SVOPL: variants seen among roughly 807,000 people sequenced by gnomAD.
The protein encoded by SVOPL is putative transporter SVOPL.
A neutral mutation model predicts 61.0 loss-of-function variants in SVOPL; 60 were observed. The observed-to-expected ratio is 0.98, with a 90% CI of 0.80 to 1.22. SVOPL has a LOEUF of 1.22. SVOPL is among the 50% of genes most tolerant of loss of function. SVOPL has a pLI of 0.00. For missense variants in SVOPL, 662 were observed against 643.9 expected (o/e 1.03, Z -0.30); for synonymous variants, 279 against 250.0 (o/e 1.12, Z -1.09).
Position 138,644,741 on chromosome 7 carries a change from C to T in SVOPL, c.765G>A (p.Glu255=). 1 of 1,614,162 alleles carries T rather than the reference C, an allele frequency of 6.2e-7. No homozygotes were observed. The highest frequency in any genetic ancestry group is 8.5e-7 in the Non-Finnish European group (1 of 1,180,030). Reference sequence around the variant, plus strand: ...CCAGGACGGGCTCCACCAGCTTCCCCTCCGGCATGACCGAGCGGTTCATCT... The same window carrying T: ...CCAGGACGGGCTCCACCAGCTTCCCTTCCGGCATGACCGAGCGGTTCATCT... ...VAKMNRSVMP[E]GKLVEPVLEK... is the part of the protein sequence containing the mutation. The change falls in exon 9 of 16, where the codon GAG becomes GAA. Residue 255 remains glutamate (E), a synonymous_variant. Transcript: ENST00000674285.
chr7:138,666,065 T>C (rs918195410), intron 4 of SVOPL, among the ~76,000 whole-genome samples: 19 of 152,216 alleles, frequency 1.2e-4, no homozygotes, highest in Admixed American at 7.2e-4. Context: ...ATACCCAGCC[T>C]GTTCTACCTC....
intron 9 of SVOPL, among the ~76,000 whole-genome samples, chr7:138,642,840 AAAAAAAAAAAGAAG>A (rs1246885069): frequency 2.1e-5 from 1 of 46,796 alleles, no homozygotes; most frequent in Non-Finnish European, 5.2e-5. Flanking sequence ...CCAAAAAAAA[AAAAAAAAAAAGAAG>A]AAACAAAATT....
intron 13 of SVOPL, among the ~76,000 whole-genome samples, chr7:138,623,326 C>CA (rs1353413027): frequency 1.3e-5 from 2 of 152,144 alleles, no homozygotes; most frequent in Non-Finnish European, 2.9e-5. Context: ...ACTGGCTGGG[C>CA]ACGGTGGCTC....
chr7:138,662,672 TCAGAC>T, intron 5 of SVOPL: 2 of 1,015,532 alleles, frequency 2.0e-6, no homozygotes, highest in Non-Finnish European at 2.4e-6. Flanking sequence ...CCCACTGATA[TCAGAC>T]CTCTGTTCTC....
chr7:138,699,674 GGAA>G (rs1178253304), intron 1 of SVOPL, among the ~76,000 whole-genome samples: 1 of 152,158 alleles, frequency 6.6e-6, no homozygotes, highest in African/African-American at 2.4e-5. Flanking sequence ...ATATTTTAGA[GGAA>G]GAAGAAGCTT....
chr7:138,614,016 G>C (rs1399083994), intron 14 of SVOPL, among the ~76,000 whole-genome samples: 1 of 152,168 alleles, frequency 6.6e-6, no homozygotes, highest in Non-Finnish European at 1.5e-5. Context: ...AATAGAACTA[G>C]AACAATGGCA....
intron 1 of SVOPL, among the ~76,000 whole-genome samples, chr7:138,699,207 G>C (rs2117153095): frequency 6.6e-6 from 1 of 152,204 alleles, no homozygotes; most frequent in Non-Finnish European, 1.5e-5. Context: ...GGGAGGCTGA[G>C]GCAGGAGAAT....
rs867716739 is a variant in SVOPL, at chr7:138,622,082, C to T, written c.1264-947G>A. Among the ~76,000 whole-genome samples the T allele has an allele frequency of 2.2e-5, 2 of 92,592 alleles. 1 individual carries two copies. The highest frequency in any genetic ancestry group is 4.6e-5 in the Non-Finnish European group (2 of 43,916). 60.7% of individuals were successfully genotyped at this position (92,592 alleles called of 152,430 possible). On this transcript the variant is annotated intron_variant, in intron 13 of 15. Coordinates refer to ENST00000674285, the MANE Select transcript of SVOPL (RefSeq NM_001139456.2). ...TCTATCTATCTATGTATCTATCTAT[C>T]TATCTATGTATCTATCTATCTATCT...
intron 4 of SVOPL, among the ~76,000 whole-genome samples, chr7:138,671,628 A>G (rs1341274028): frequency 2.6e-5 from 4 of 152,162 alleles, no homozygotes. Context: ...GATTACAGGC[A>G]TGAGCCACTG....
intron 1 of SVOPL, among the ~76,000 whole-genome samples, chr7:138,680,391 CGCCT>C (rs2117124430): frequency 6.6e-6 from 1 of 152,326 alleles, no homozygotes; most frequent in Non-Finnish European, 1.5e-5. Context: ...TCAAGTGATC[CGCCT>C]GCCTTGGCTT....
chr7:138,672,649 T>TGTC (rs1244321127), intron 3 of SVOPL, among the ~76,000 whole-genome samples: 1 of 113,698 alleles, frequency 8.8e-6, no homozygotes, highest in Non-Finnish European at 1.7e-5. Context: ...GTGTTTTTTT[T>TGTC]TGTGTTTAAA....
intron 9 of SVOPL, among the ~76,000 whole-genome samples, chr7:138,630,671 G>T (rs912874214): frequency 2.6e-5 from 4 of 152,156 alleles, no homozygotes; most frequent in Non-Finnish European, 5.9e-5. Context: ...GGCTGGGTGT[G>T]GGGGCTCACG....
chr7:138,672,135 C>T lies in SVOPL; in HGVS notation c.175-18G>A, dbSNP rs1034536881. The T allele has an allele frequency of 6.5e-7, 1 of 1,549,596 alleles. No homozygotes were observed. Among genetic ancestry groups the T allele is most frequent in the Admixed American group, 2.0e-5 (1 of 50,996 alleles). ...TCAACCACCTTAAAGAAGAGGGACA[C>T]CATGCCATGTCTAAGTGCCAGCTTG... On this transcript the variant is annotated intron_variant, in intron 3 of 15. Coordinates refer to ENST00000674285, the MANE Select transcript of SVOPL (RefSeq NM_001139456.2).
At chr7:138,645,115 A>G (rs1801030907) in intron 8 of SVOPL, among the ~76,000 whole-genome samples, 1 of 152,134 alleles carries the variant, frequency 6.6e-6, no homozygotes, top group Non-Finnish European at 1.5e-5. Context: ...AGTTGTTGAC[A>G]TAATGAAATT....
intron 15 of SVOPL, among the ~76,000 whole-genome samples, chr7:138,595,094 T>C (rs1798226450): frequency 1.3e-5 from 2 of 152,148 alleles, no homozygotes; most frequent in African/African-American, 4.8e-5. Flanking sequence ...ATTTTTAGTT[T>C]ACCAGACTTG....
rs201925457 is a variant in SVOPL, at chr7:138,663,132, C to A, written c.287G>T (p.Gly96Val). 1.4e-5 allele frequency: 22 copies of A among 1,613,908 alleles called. No individual in the cohort carries two copies. In the African/African-American group the frequency reaches 2.8e-4, roughly 21 times the overall value. Residue 96 changes from glycine (G) to valine (V), a missense_variant, in exon 5 of 16, where the codon GGC becomes GTC. Physicochemically the swap from Gly to Val is moderately radical, Grantham distance 109. Transcript: ENST00000674285. ...AAAGAGGATACTGAAAACCATGTAG[C>A]CAAAAAACACCATCTGCAAGTGGGA... ...VALVTTMVFF[G>V]YMVFSILFGL... is the part of the protein sequence containing the mutation.
intron 7 of SVOPL, among the ~76,000 whole-genome samples, chr7:138,652,410 CTCCTGGCCTCAAGCAA>C (rs1801485133): frequency 6.6e-6 from 1 of 151,858 alleles, no homozygotes; most frequent in Admixed American, 6.6e-5. Context: ...TGGTCTCAAA[CTCCTGGCCTCAAGCAA>C]TCCTCCCACC....
chr7:138,601,108 C>CG (rs1198752040), intron 14 of SVOPL, among the ~76,000 whole-genome samples: 1 of 151,772 alleles, frequency 6.6e-6, no homozygotes, highest in Non-Finnish European at 1.5e-5. Flanking sequence ...AAAAATTAGC[C>CG]GGGCGTGGTG....
rs573298024 is a variant in SVOPL, at chr7:138,697,995, A to C, written c.-35+3183T>G. Among the ~76,000 whole-genome samples the C allele has an allele frequency of 5.3e-5, 8 of 151,872 alleles. No homozygotes were observed. The East Asian group carries it at 1.4e-3, about 26-fold the overall frequency. On this transcript the variant is annotated intron_variant, in intron 1 of 15. Coordinates refer to ENST00000674285, the MANE Select transcript of SVOPL (RefSeq NM_001139456.2). ...AGAAAGAAGGAAGAAAGGACAGAGG[A>C]AGGGAGGAAAGAGGAAAGGAGGGAA...
Sources: allele counts gnomAD v4.1 joint callset (sites outside exome capture counted in the v4.1 genomes callset), GRCh38; gene constraint gnomAD v4.1.1; transcripts MANE v1.5; gene names NCBI Gene and HGNC (gene_info 2026-07-23, HGNC 2026-07-21).